The following CRIPT variants were observed in gnomAD, a reference collection of about 807,000 sequenced individuals.
CRIPT encodes cysteine-rich PDZ-binding protein.
In CRIPT, 20 loss-of-function variants were observed where a neutral mutation model predicts 16.6. The observed-to-expected ratio is 1.20, with a 90% CI of 0.85 to 1.75. CRIPT has a LOEUF of 1.75. Ranked by LOEUF, CRIPT falls within the 40% of genes most tolerant of loss-of-function variation. The pLI, the probability that CRIPT is intolerant of heterozygous loss-of-function variation, is 0.00. For missense variants in CRIPT, 133 were observed against 115.3 expected, an observed-to-expected ratio of 1.15 and a Z score of -0.70; for synonymous variants, 42 against 37.0, an observed-to-expected ratio of 1.14 and a Z score of -0.49.
At chr2:46,618,000 C>G (rs1670707460) in intron 1 of CRIPT, among the ~76,000 whole-genome samples, 1 of 150,262 alleles carries the variant, frequency 6.7e-6, no homozygotes, top group African/African-American at 2.5e-5. Flanking sequence ...CTTTCTATGC[C>G]TTTCCTCAGA....
intron 1 of CRIPT, among the ~76,000 whole-genome samples, chr2:46,617,828 A>T (rs1670703046): frequency 6.6e-6 from 1 of 152,018 alleles, no homozygotes; most frequent in Non-Finnish European, 1.5e-5. Context: ...ATAAATTCTC[A>T]GTGTGCAGAG....
At chr2:46,622,653 A>G (rs941893764) in intron 3 of CRIPT, among the ~76,000 whole-genome samples, 1 of 151,828 alleles carries the variant, frequency 6.6e-6, no homozygotes, top group African/African-American at 2.4e-5. Context: ...ATCTCTACTA[A>G]AAATACAAAA....
In CRIPT at chr2:46,618,770, C is replaced by T; in HGVS notation, c.17-3C>T. The T allele has an allele frequency of 6.3e-7, 1 of 1,590,286 alleles. No homozygotes were observed. The highest frequency in any genetic ancestry group is 8.6e-7 in the Non-Finnish European group (1 of 1,162,928). ...TTTTCCTTTTACTATCTTGTTCTAA[C>T]AGGTGAAAAGAAACTTGGTACTGTT... On this transcript the variant is annotated splice_polypyrimidine_tract_variant and splice_region_variant and intron_variant, in intron 1 of 4. Coordinates refer to ENST00000238892, the MANE Select transcript of CRIPT (RefSeq NM_014171.6).
Sources: gnomAD v4.1 joint callset for allele counts (sites outside exome capture counted in the v4.1 genomes callset) on GRCh38, gnomAD v4.1.1 for gene constraint, MANE v1.5 for transcripts, NCBI Gene and HGNC (gene_info 2026-07-23, HGNC 2026-07-21) for gene names.